The following CADM2 variants were observed in gnomAD, a reference collection of about 807,000 sequenced individuals.
CADM2 encodes cell adhesion molecule 2.
A neutral mutation model predicts 49.8 loss-of-function variants in CADM2; 12 were observed. The observed-to-expected ratio is 0.24, with a 90% CI of 0.15 to 0.39. CADM2 has a LOEUF of 0.39. Among genes scored for constraint, CADM2 ranks in the 10% least tolerant of loss-of-function variants. CADM2 has a pLI of 1.00. For missense variants in CADM2, 378 were observed against 492.3 expected (o/e 0.77, Z 2.20); for synonymous variants, 214 against 175.4 (o/e 1.22, Z -1.74).
intron 2 of CADM2, among the ~76,000 whole-genome samples, chr3:85,767,042 TA>T (rs1308061211): frequency 6.6e-6 from 1 of 152,214 alleles, no homozygotes; most frequent in Non-Finnish European, 1.5e-5. Flanking sequence ...TATTGTACCA[TA>T]TTTTTTAACT....
chr3:85,070,242 A>T (rs1376634415), intron 1 of CADM2, among the ~76,000 whole-genome samples: 1 of 152,156 alleles, frequency 6.6e-6, no homozygotes, highest in East Asian at 1.9e-4. Context: ...TATGTGGGCT[A>T]AAATTATTAA....
chr3:85,078,260 G>T (rs1171690841), intron 1 of CADM2, among the ~76,000 whole-genome samples: 2 of 151,786 alleles, frequency 1.3e-5, no homozygotes, highest in African/African-American at 2.4e-5. Flanking sequence ...TTCATATCTG[G>T]TGATCAACCA....
At chr3:85,515,631 A>ATATATTTT (rs1159969286) in intron 1 of CADM2, among the ~76,000 whole-genome samples, 49 of 118,402 alleles carry the variant, frequency 4.1e-4, no homozygotes, top group African/African-American at 1.4e-3. Context: ...ATATATATAT[A>ATATATTTT]TTTTTTTTTT....
intron 3 of CADM2, among the ~76,000 whole-genome samples, chr3:85,808,497 A>G (rs1195041570): frequency 1.3e-5 from 2 of 152,042 alleles, no homozygotes; most frequent in Non-Finnish European, 2.9e-5. Context: ...GTGCAGAAGG[A>G]AAAAAACAAT....
intron 1 of CADM2, among the ~76,000 whole-genome samples, chr3:85,705,830 C>T (rs2066930632): frequency 6.6e-6 from 1 of 152,080 alleles, no homozygotes; most frequent in South Asian, 2.1e-4. Context: ...AATTATTCTC[C>T]TCTTACATAT....
intron 2 of CADM2, among the ~76,000 whole-genome samples, chr3:85,754,546 C>T (rs1322662098): frequency 2.6e-5 from 4 of 152,094 alleles, no homozygotes; most frequent in African/African-American, 4.8e-5. Context: ...TATGAATTTT[C>T]GTATGCTTTA....
chr3:85,888,197 G>A (rs1281484782), intron 5 of CADM2, among the ~76,000 whole-genome samples: 1 of 150,586 alleles, frequency 6.6e-6, no homozygotes, highest in Admixed American at 6.6e-5. Context: ...CCTCAAGGAG[G>A]TCATACACTT....
intron 4 of CADM2, among the ~76,000 whole-genome samples, chr3:85,884,205 C>T (rs950884958): frequency 5.9e-5 from 9 of 152,168 alleles, no homozygotes; most frequent in Admixed American, 3.3e-4. Flanking sequence ...TGAAACACAC[C>T]TGCGTGCTGA....
chr3:84,994,951 C>T (rs113850292), intron 1 of CADM2, among the ~76,000 whole-genome samples: 7,516 of 151,970 alleles, frequency 0.049, 223 homozygotes, highest in East Asian at 0.1. Flanking sequence ...CATGTGAACC[C>T]GGAAGGCAGC....
At position 85,056,893 on chromosome 3, in the gene CADM2, G is replaced by A. The variant is rs138515808; in HGVS notation, c.61+97225G>A. Among the ~76,000 whole-genome samples, 194 of 151,970 alleles carry A rather than the reference G, an allele frequency of 1.3e-3. 1 individual carries two copies. Among genetic ancestry groups the A allele is most frequent in the African/African-American group, 4.3e-3 (178 of 41,476 alleles). ...GATCTCTGGTTTTAAGCAGTGCTCA[G>A]TATAATCATCTCTGAAGGTTTAAAA... On this transcript the variant is annotated intron_variant, in intron 1 of 9. Coordinates refer to ENST00000383699, the MANE Select transcript of CADM2 (RefSeq NM_001167675.2).
chr3:85,948,302 C>T (rs908345163), intron 7 of CADM2, among the ~76,000 whole-genome samples: 3 of 151,270 alleles, frequency 2.0e-5, no homozygotes, highest in Non-Finnish European at 4.4e-5. Context: ...TAAGGCTATT[C>T]AATAAGATTT....
At chr3:85,356,422 G>A (rs1009388197) in intron 1 of CADM2, among the ~76,000 whole-genome samples, 11 of 152,126 alleles carry the variant, frequency 7.2e-5, no homozygotes, top group Admixed American at 3.3e-4. Context: ...AATTCCAGGA[G>A]TCAGAGAGGT....
chr3:85,304,145 T>C (rs1030881718), intron 1 of CADM2, among the ~76,000 whole-genome samples: 1 of 151,844 alleles, frequency 6.6e-6, no homozygotes, highest in African/African-American at 2.4e-5. Flanking sequence ...GTAGATTTGA[T>C]TTAGGTTTGC....
At chr3:85,097,742 A>G (rs1248915035) in intron 1 of CADM2, among the ~76,000 whole-genome samples, 1 of 152,232 alleles carries the variant, frequency 6.6e-6, no homozygotes, top group Non-Finnish European at 1.5e-5. Flanking sequence ...TCTCTTCATT[A>G]TCTGCCCTAG....
chr3:85,024,063 C>G (rs1178850395), intron 1 of CADM2, among the ~76,000 whole-genome samples: 3 of 151,990 alleles, frequency 2.0e-5, no homozygotes, highest in Non-Finnish European at 4.4e-5. Flanking sequence ...TTTGCTTTCC[C>G]CAGCCATAGC....
chr3:85,960,389 T>A (rs923886529), intron 7 of CADM2, among the ~76,000 whole-genome samples: 1 of 151,938 alleles, frequency 6.6e-6, no homozygotes, highest in Non-Finnish European at 1.5e-5. Flanking sequence ...TTCCATGTGA[T>A]AAAATTATGC....
At chr3:85,716,569 A>G (rs1316218744) in intron 1 of CADM2, among the ~76,000 whole-genome samples, 1 of 152,100 alleles carries the variant, frequency 6.6e-6, no homozygotes. Flanking sequence ...TTAATCATGA[A>G]GTCTTTGCCC....
intron 1 of CADM2, among the ~76,000 whole-genome samples, chr3:85,447,091 A>C (rs1187382827): frequency 1.4e-5 from 2 of 147,768 alleles, no homozygotes; most frequent in Admixed American, 1.4e-4. Flanking sequence ...ATGGTAATAC[A>C]ATTTGAAAAT....
chr3:85,967,301 G>T, intron 8 of CADM2, among the ~76,000 whole-genome samples: 1 of 151,666 alleles, frequency 6.6e-6, no homozygotes, highest in Middle Eastern at 3.4e-3. Flanking sequence ...GTCATGGATG[G>T]TATCTTTTCT....
Sources: gnomAD v4.1 joint callset for allele counts (sites outside exome capture counted in the v4.1 genomes callset) on GRCh38, gnomAD v4.1.1 for gene constraint, MANE v1.5 for transcripts, NCBI Gene and HGNC (gene_info 2026-07-23, HGNC 2026-07-21) for gene names.